Variants in PLA2G4A observed in about 807,000 individuals in gnomAD.
PLA2G4A encodes the protein phospholipase A2 group IVA.
In PLA2G4A, 40 loss-of-function variants were observed where a neutral mutation model predicts 81.9. The observed-to-expected ratio is 0.49, with a 90% CI of 0.38 to 0.64. The LOEUF is 0.64. Among genes scored for constraint, PLA2G4A ranks in the 30% least tolerant of loss-of-function variants. The probability of loss-of-function intolerance (pLI) is 0.00; values close to 1 mark genes in which losing one functional copy is unlikely to be tolerated. For missense variants in PLA2G4A, 715 were observed against 905.1 expected (o/e 0.79, Z 2.69); for synonymous variants, 302 against 296.9 (o/e 1.02, Z -0.18).
chr1:186,943,529 A>T (rs1001498051), intron 10 of PLA2G4A, among the ~76,000 whole-genome samples: 6 of 152,178 alleles, frequency 3.9e-5, no homozygotes, highest in African/African-American at 1.4e-4. Flanking sequence ...CCTAGACCTG[A>T]CATAAGTGTG....
chr1:186,839,595 A>G (rs577823746), intron 1 of PLA2G4A, among the ~76,000 whole-genome samples: 102 of 152,310 alleles, frequency 6.7e-4, no homozygotes, highest in Non-Finnish European at 1.2e-3. Context: ...ACAGTTCTCC[A>G]GCTTGCTACT....
chr1:186,934,441 C>CATATATATATATATATATATAT (rs1209342571), intron 8 of PLA2G4A, among the ~76,000 whole-genome samples: 6 of 4,018 alleles, frequency 1.5e-3, no homozygotes, highest in Non-Finnish European at 2.2e-3. Flanking sequence ...TTTAAATGTG[C>CATATATATATATATATATATAT]ACATATATAT....
intron 10 of PLA2G4A, among the ~76,000 whole-genome samples, chr1:186,944,215 G>A (rs1274244999): frequency 6.6e-6 from 1 of 152,076 alleles, no homozygotes; most frequent in Admixed American, 6.6e-5. Context: ...CCCAAAGGAA[G>A]TTGAAAGTAC....
chr1:186,961,008 A>G (rs1224151222), intron 14 of PLA2G4A, among the ~76,000 whole-genome samples: 1 of 152,198 alleles, frequency 6.6e-6, no homozygotes, highest in East Asian at 1.9e-4. Context: ...AGGAAACACT[A>G]CTTACTGGTT....
chr1:186,878,691 T>C (rs1429937323), intron 3 of PLA2G4A, among the ~76,000 whole-genome samples: 5 of 151,914 alleles, frequency 3.3e-5, no homozygotes, highest in Admixed American at 1.3e-4. Flanking sequence ...GTTTTATGAA[T>C]ACAGTTAATC....
intron 15 of PLA2G4A, among the ~76,000 whole-genome samples, chr1:186,968,578 T>C (rs1019844954): frequency 4.0e-5 from 6 of 151,686 alleles, no homozygotes; most frequent in Non-Finnish European, 7.4e-5. Context: ...ATATATAAGA[T>C]GTTTATAAAA....
At chr1:186,934,463 T>TATATACACAC (rs368585350) in intron 8 of PLA2G4A, among the ~76,000 whole-genome samples, 1 of 143,480 alleles carries the variant, frequency 7.0e-6, no homozygotes, top group African/African-American at 2.6e-5. Flanking sequence ...TATATATATA[T>TATATACACAC]ACATACACAG....
chr1:186,856,470 A>G (rs1341335925), intron 2 of PLA2G4A, among the ~76,000 whole-genome samples: 1 of 151,480 alleles, frequency 6.6e-6, no homozygotes, highest in Admixed American at 6.6e-5. Context: ...GCTCACTGCA[A>G]CTACCATCTC....
In PLA2G4A at chr1:186,845,845, A is replaced by G. The variant is rs996191408; in HGVS notation, c.-69-8441A>G. On this transcript the variant is annotated intron_variant, in intron 1 of 17. Coordinates refer to ENST00000367466, the MANE Select transcript of PLA2G4A (RefSeq NM_024420.3). ...ATGCCAACAGTTACATTGCATCGGG[A>G]AGTATCTGTTGAAAAGTCTATCCAA... 2.7e-4 allele frequency among the ~76,000 whole-genome samples: 41 copies of G among 152,172 alleles called. 1 individual carries two copies. The highest frequency in any genetic ancestry group is 9.9e-4 in the African/African-American group (41 of 41,444).
chr1:186,901,694 A>G (rs1156493508), intron 5 of PLA2G4A, among the ~76,000 whole-genome samples: 1 of 152,230 alleles, frequency 6.6e-6, no homozygotes, highest in Non-Finnish European at 1.5e-5. Flanking sequence ...ACTGATGTCC[A>G]TGTAGGAAAA....
chr1:186,950,741 G>C lies in PLA2G4A; in HGVS notation c.1336+13G>C, dbSNP rs12720641. On this transcript the variant is annotated intron_variant, in intron 13 of 17. Coordinates refer to ENST00000367466, the MANE Select transcript of PLA2G4A (RefSeq NM_024420.3). ...CACGAACCCAAAGGTGAGTGAGCCGGAAACTTTTCTGGCCCAGATCCATGA... is the reference window on the plus strand; with the variant it reads ...CACGAACCCAAAGGTGAGTGAGCCGCAAACTTTTCTGGCCCAGATCCATGA... 98 of 1,526,988 alleles carry C rather than the reference G, an allele frequency of 6.4e-5. No individual in the cohort carries two copies. The Admixed American group carries it at 7.4e-4, about 11-fold the overall frequency. 94.6% of individuals were successfully genotyped at this position (1,526,988 alleles called of 1,614,324 possible). A position where few individuals can be genotyped will look rare whatever the true frequency, so the allele number is the denominator to read the frequency against.
chr1:186,970,165 A>G (rs61362120), intron 15 of PLA2G4A, among the ~76,000 whole-genome samples: 4,866 of 152,078 alleles, frequency 0.032, 280 homozygotes, highest in African/African-American at 0.11. Context: ...AGGATTAGTG[A>G]TGTTAAACAT....
rs375035233 is a variant in PLA2G4A, at chr1:186,939,967, C to T, written c.919-13C>T. 31 of 1,213,168 alleles carry T rather than the reference C, an allele frequency of 2.6e-5. No individual in the cohort carries two copies. The highest frequency in any genetic ancestry group is 3.7e-5 in the Non-Finnish European group (30 of 814,216). 75.2% of individuals were successfully genotyped at this position (1,213,168 alleles called of 1,614,324 possible). A position where few individuals can be genotyped will look rare whatever the true frequency, so the allele number is the denominator to read the frequency against. ...TAAATTTAAAGTCATCTTTTTCTTT[C>T]TTCTGTGGACAGAGAATGAATACTA... On this transcript the variant is annotated splice_polypyrimidine_tract_variant and intron_variant, in intron 9 of 17. Coordinates refer to ENST00000367466, the MANE Select transcript of PLA2G4A (RefSeq NM_024420.3).
At chr1:186,884,482 G>C (rs1240208310) in intron 3 of PLA2G4A, among the ~76,000 whole-genome samples, 1 of 152,048 alleles carries the variant, frequency 6.6e-6, no homozygotes, top group Non-Finnish European at 1.5e-5. Flanking sequence ...CTTTTCCTAA[G>C]AACAACTTAG....
At chr1:186,902,459 C>T (rs773180730) in intron 5 of PLA2G4A, among the ~76,000 whole-genome samples, 7 of 152,224 alleles carry the variant, frequency 4.6e-5, no homozygotes, top group African/African-American at 1.2e-4. Flanking sequence ...TAGTCCGGCT[C>T]GAAGCAGCCC....
intron 16 of PLA2G4A, among the ~76,000 whole-genome samples, chr1:186,978,920 T>G (rs1024774488): frequency 6.6e-6 from 1 of 152,222 alleles, no homozygotes; most frequent in Admixed American, 6.5e-5. Context: ...CAAAATGGAA[T>G]AGACCTGTGT....
chr1:186,914,567 G>A (rs576657487), intron 7 of PLA2G4A, among the ~76,000 whole-genome samples: 8 of 151,864 alleles, frequency 5.3e-5, no homozygotes, highest in African/African-American at 1.7e-4. Flanking sequence ...GAGCAAGCAG[G>A]GGGTACATGA....
intron 1 of PLA2G4A, among the ~76,000 whole-genome samples, chr1:186,851,968 A>T (rs977509950): frequency 6.6e-6 from 1 of 151,960 alleles, no homozygotes; most frequent in African/African-American, 2.4e-5. Flanking sequence ...AGGATGAGGG[A>T]TGAGGGTAAT....
chr1:186,984,140 G>A (rs1657817055), intron 17 of PLA2G4A, among the ~76,000 whole-genome samples: 1 of 152,008 alleles, frequency 6.6e-6, no homozygotes, highest in Non-Finnish European at 1.5e-5. Flanking sequence ...TTCATGATGG[G>A]TGTTTAAAAT....
Sources: gnomAD v4.1 joint callset for allele counts (sites outside exome capture counted in the v4.1 genomes callset) on GRCh38, gnomAD v4.1.1 for gene constraint, MANE v1.5 for transcripts, NCBI Gene and HGNC (gene_info 2026-07-23, HGNC 2026-07-21) for gene names.